METAP1: variants seen among roughly 807,000 people sequenced by gnomAD.
METAP1 encodes the protein methionine aminopeptidase 1.
METAP1 carries 28 observed loss-of-function variants against 53.8 expected under a neutral mutation model. The observed-to-expected ratio is 0.52, with a 90% CI of 0.39 to 0.71. The LOEUF (loss-of-function observed/expected upper bound fraction) is 0.71, where lower values mean the gene tolerates loss of function less well. METAP1 is among the 30% of genes least tolerant of loss of function. The pLI, the probability that METAP1 is intolerant of heterozygous loss-of-function variation, is 0.00. For synonymous variants in METAP1, 181 were observed against 165.7 expected, an observed-to-expected ratio of 1.09 and a Z score of -0.71; for missense variants, 389 against 479.8, an observed-to-expected ratio of 0.81 and a Z score of 1.77.
At chr4:99,017,149 A>G (rs1051588892) in intron 1 of METAP1, among the ~76,000 whole-genome samples, 1 of 152,220 alleles carries the variant, frequency 6.6e-6, no homozygotes, top group Non-Finnish European at 1.5e-5. Flanking sequence ...GACATGTACA[A>G]TAGCTATTTC....
intron 10 of METAP1, 89 bp from the exon 11 acceptor site, chr4:99,061,065 T>C: frequency 7.4e-7 from 1 of 1,360,198 alleles, no homozygotes; most frequent in Non-Finnish European, 1.0e-6. Context: ...AATAAGGATC[T>C]TAGTAGTGAA....
intron 4 of METAP1, among the ~76,000 whole-genome samples, 194 bp downstream of exon 4, chr4:99,035,654 CTA>C (rs1214150489): frequency 6.6e-6 from 1 of 152,128 alleles, no homozygotes. Flanking sequence ...TCTGAAAACA[CTA>C]TGTAGCTGTT....
At chr4:99,058,652 C>T (rs1727318600) in intron 10 of METAP1, among the ~76,000 whole-genome samples, 1 of 152,166 alleles carries the variant, frequency 6.6e-6, no homozygotes, top group South Asian at 2.1e-4. Context: ...TCTCTTGATC[C>T]TTCCAGTCTT....
intron 4 of METAP1, among the ~76,000 whole-genome samples, chr4:99,037,171 G>GT (rs1241000014): frequency 2.6e-5 from 4 of 151,554 alleles, no homozygotes; most frequent in Non-Finnish European, 4.4e-5. Context: ...TAGAGTACTA[G>GT]TTTTTTCCAT....
intron 1 of METAP1, among the ~76,000 whole-genome samples, chr4:99,013,395 C>T (rs1723579247): frequency 6.6e-6 from 1 of 152,150 alleles, no homozygotes; most frequent in Admixed American, 6.5e-5. Context: ...ATTGCCTGGA[C>T]TAGGCATTAT....
intron 1 of METAP1, among the ~76,000 whole-genome samples, chr4:99,003,963 G>A (rs908497750): frequency 6.6e-5 from 10 of 152,136 alleles, no homozygotes; most frequent in Non-Finnish European, 1.3e-4. Context: ...TTGGGCCTCC[G>A]GAACTTAAAA....
At chr4:99,042,873 GGT>G (rs1725980710) in intron 6 of METAP1, among the ~76,000 whole-genome samples, 1 of 151,998 alleles carries the variant, frequency 6.6e-6, no homozygotes, top group Admixed American at 6.5e-5. Flanking sequence ...ATACGTAACT[GGT>G]TAAGTGTCTG....
chr4:99,053,816 C>G (rs1726899700), intron 9 of METAP1, among the ~76,000 whole-genome samples: 1 of 151,858 alleles, frequency 6.6e-6, no homozygotes, highest in Non-Finnish European at 1.5e-5. Flanking sequence ...TGTCAGTGAG[C>G]AGTAATATTT....
At chr4:99,049,908 C>G (rs539632101) in intron 9 of METAP1, among the ~76,000 whole-genome samples, 1 of 152,320 alleles carries the variant, frequency 6.6e-6, no homozygotes, top group African/African-American at 2.4e-5. Context: ...TTGATCATCA[C>G]AACTCTATGG....
intron 1 of METAP1, chr4:99,005,833 C>G: frequency 2.4e-6 from 1 of 419,172 alleles, no homozygotes; most frequent in East Asian, 7.4e-5. Flanking sequence ...AAACCAAGTA[C>G]CAGGTCGTCT....
chr4:99,015,912 C>T (rs1723734560), intron 1 of METAP1, among the ~76,000 whole-genome samples: 1 of 152,116 alleles, frequency 6.6e-6, no homozygotes, highest in Admixed American at 6.5e-5. Context: ...GGACTTGGCT[C>T]GGGGACCACA....
Position 99,039,361 on chromosome 4 carries a change from A to G in METAP1, c.341-13A>G. On this transcript the variant is annotated splice_polypyrimidine_tract_variant and intron_variant, in intron 4 of 10. Coordinates refer to ENST00000296411, the MANE Select transcript of METAP1 (RefSeq NM_015143.3). ...CATTCATTTTGGTTTTACTTACCGA[A>G]TTTTCATTCCAGGAATGTCTGAATC... 1 of 1,574,688 alleles carries G rather than the reference A, an allele frequency of 6.4e-7. No homozygotes were observed. Among genetic ancestry groups the G allele is most frequent in the Non-Finnish European group, 8.7e-7 (1 of 1,149,344 alleles).
intron 9 of METAP1, among the ~76,000 whole-genome samples, chr4:99,055,003 C>G (rs1397610072): frequency 6.6e-6 from 1 of 152,040 alleles, no homozygotes; most frequent in Non-Finnish European, 1.5e-5. Flanking sequence ...AATTGTGACA[C>G]AGAGACATGA....
At chr4:99,025,220 GT>G in intron 1 of METAP1, 1 of 304,070 alleles carries the variant, frequency 3.3e-6, no homozygotes, top group Non-Finnish European at 4.8e-6. Flanking sequence ...TTTTCCCAAA[GT>G]TAGTTTGGCC....
intron 1 of METAP1, among the ~76,000 whole-genome samples, chr4:99,017,489 ATGT>A (rs899735450): frequency 2.2e-4 from 34 of 152,194 alleles, no homozygotes; most frequent in African/African-American, 8.2e-4. Flanking sequence ...CTAGGAACAA[ATGT>A]TGTCTTGTTT....
chr4:99,016,948 G>A (rs1020103348), intron 1 of METAP1, among the ~76,000 whole-genome samples: 3 of 152,170 alleles, frequency 2.0e-5, no homozygotes, highest in Non-Finnish European at 4.4e-5. Flanking sequence ...TCTCCCTTCT[G>A]TATTTTCTTT....
At chr4:99,054,061 T>TA (rs1487302023) in intron 9 of METAP1, among the ~76,000 whole-genome samples, 3 of 152,080 alleles carry the variant, frequency 2.0e-5, no homozygotes, top group African/African-American at 7.3e-5. Flanking sequence ...GGCTTCAACT[T>TA]AAAGTCACAA....
At chr4:98,998,133 C>G (rs1021931795) in intron 1 of METAP1, among the ~76,000 whole-genome samples, 1 of 152,220 alleles carries the variant, frequency 6.6e-6, no homozygotes, top group Non-Finnish European at 1.5e-5. Flanking sequence ...CGAAGTGTCA[C>G]CTGTCTTCTG....
intron 1 of METAP1, among the ~76,000 whole-genome samples, chr4:99,014,793 C>G (rs1168252852): frequency 6.6e-6 from 1 of 152,168 alleles, no homozygotes; most frequent in Non-Finnish European, 1.5e-5. Flanking sequence ...CACCATATGT[C>G]CCACTCAAGG....
Sources: gnomAD v4.1 joint callset for allele counts (sites outside exome capture counted in the v4.1 genomes callset) on GRCh38, gnomAD v4.1.1 for gene constraint, MANE v1.5 for transcripts, NCBI Gene and HGNC (gene_info 2026-07-23, HGNC 2026-07-21) for gene names.